The following SDK1 variants were observed in gnomAD, a reference collection of about 807,000 sequenced individuals.
The protein encoded by SDK1 is sidekick cell adhesion molecule 1.
Under a neutral mutation model 245.5 loss-of-function variants are expected in SDK1, and 157 were observed. The ratio of observed to expected loss-of-function variants is 0.64; its 90% CI spans 0.56 to 0.73. The LOEUF is 0.73. Among genes scored for constraint, SDK1 ranks in the 30% least tolerant of loss-of-function variants. The pLI is 0.00. For synonymous variants in SDK1, 1,647 were observed against 1,278.5 expected (o/e 1.29, Z -6.15); for missense variants, 3,583 against 3,002.3 (o/e 1.19, Z -4.52).
intron 1 of SDK1, among the ~76,000 whole-genome samples, chr7:3,434,088 A>G (rs1779947665): frequency 6.6e-6 from 1 of 152,106 alleles, no homozygotes. Flanking sequence ...ACAAGGCAAA[A>G]TCTATCCATA....
At chr7:4,066,667 C>G (rs1373462152) in intron 19 of SDK1, among the ~76,000 whole-genome samples, 5 of 152,210 alleles carry the variant, frequency 3.3e-5, no homozygotes, top group Admixed American at 3.3e-4. Context: ...TGGGCTGGCC[C>G]TGATGGGACC....
intron 4 of SDK1, among the ~76,000 whole-genome samples, chr7:3,806,273 G>T (rs550180994): frequency 5.6e-5 from 8 of 143,148 alleles, no homozygotes; most frequent in Non-Finnish European, 1.3e-4. Context: ...GTGAGGTAAC[G>T]TATCTCTAGG....
chr7:3,497,276 CTG>C (rs968726800), intron 1 of SDK1, among the ~76,000 whole-genome samples: 2 of 152,142 alleles, frequency 1.3e-5, no homozygotes, highest in Non-Finnish European at 2.9e-5. Context: ...AGGGCTAAAA[CTG>C]TGAAATAAAA....
chr7:4,188,566 C>T (rs938610324), intron 35 of SDK1, among the ~76,000 whole-genome samples: 1 of 151,888 alleles, frequency 6.6e-6, no homozygotes, highest in Non-Finnish European at 1.5e-5. Context: ...GTTGTGTGCT[C>T]AAACCTCCAT....
At chr7:3,633,874 C>G (rs541004942) in intron 2 of SDK1, among the ~76,000 whole-genome samples, 4 of 152,060 alleles carry the variant, frequency 2.6e-5, no homozygotes, top group Non-Finnish European at 4.4e-5. Flanking sequence ...AACTGGTCCT[C>G]TGAGGGTCCT....
chr7:3,843,525 C>T (rs542780635), intron 5 of SDK1, among the ~76,000 whole-genome samples: 8 of 152,310 alleles, frequency 5.3e-5, no homozygotes, highest in Admixed American at 1.3e-4. Flanking sequence ...GATATTCCTT[C>T]ATTAGTTTTA....
At chr7:3,510,055 G>T (rs1782528899) in intron 1 of SDK1, among the ~76,000 whole-genome samples, 1 of 152,198 alleles carries the variant, frequency 6.6e-6, no homozygotes, top group African/African-American at 2.4e-5. Context: ...CATTGACTTA[G>T]AACTGGGAGG....
intron 14 of SDK1, among the ~76,000 whole-genome samples, chr7:3,994,597 G>A (rs543556932): frequency 7.5e-5 from 11 of 146,864 alleles, no homozygotes; most frequent in East Asian, 2.0e-4. Context: ...AGCCGCGATC[G>A]CACCAAGGCA....
At chr7:3,395,547 G>T (rs950998433) in intron 1 of SDK1, among the ~76,000 whole-genome samples, 3 of 151,848 alleles carry the variant, frequency 2.0e-5, no homozygotes, top group Admixed American at 6.6e-5. Context: ...ATACTTCTCG[G>T]AAGAATTTGT....
chr7:3,900,727 C>T (rs1562522768), intron 5 of SDK1, among the ~76,000 whole-genome samples: 1 of 151,812 alleles, frequency 6.6e-6, no homozygotes, highest in South Asian at 2.1e-4. Context: ...CCCCTCTCTC[C>T]CCCTCTCCAT....
At chr7:3,421,865 G>A (rs1357551363) in intron 1 of SDK1, among the ~76,000 whole-genome samples, 1 of 152,120 alleles carries the variant, frequency 6.6e-6, no homozygotes. Context: ...TGGTTTTTGG[G>A]TGCTTGAGAC....
At chr7:3,848,534 A>G (rs914288744) in intron 5 of SDK1, among the ~76,000 whole-genome samples, 8 of 152,166 alleles carry the variant, frequency 5.3e-5, no homozygotes, top group African/African-American at 1.7e-4. Context: ...GAAGGTGGAT[A>G]TCTACTAATA....
At chr7:4,213,428 A>T (rs1784608440) in intron 38 of SDK1, among the ~76,000 whole-genome samples, 1 of 151,338 alleles carries the variant, frequency 6.6e-6, no homozygotes, top group Non-Finnish European at 1.5e-5. Context: ...AAAAAAAGAA[A>T]ACAAAAATTA....
intron 1 of SDK1, among the ~76,000 whole-genome samples, chr7:3,374,798 A>G (rs1476885971): frequency 6.6e-6 from 1 of 152,218 alleles, no homozygotes; most frequent in Non-Finnish European, 1.5e-5. Flanking sequence ...GAGACTTTTT[A>G]AAATTTTTCA....
chr7:3,922,369 GGGAGCTTGAAATCGGCTGTGCC>G (rs1431089446), intron 5 of SDK1, among the ~76,000 whole-genome samples: 2 of 152,182 alleles, frequency 1.3e-5, no homozygotes, highest in African/African-American at 2.4e-5. Flanking sequence ...ACGTCATATT[GGGAGCTTGAAATCGGCTGTGCC>G]GGATTTACTT....
intron 4 of SDK1, among the ~76,000 whole-genome samples, chr7:3,657,861 G>C (rs1448707550): frequency 1.3e-5 from 2 of 152,226 alleles, no homozygotes; most frequent in Non-Finnish European, 2.9e-5. Flanking sequence ...GAAAGAAAGT[G>C]GCTAAATGAT....
chr7:3,447,774 G>A (rs960472393), intron 1 of SDK1, among the ~76,000 whole-genome samples: 36 of 144,920 alleles, frequency 2.5e-4, no homozygotes, highest in African/African-American at 8.2e-4. Flanking sequence ...GCATGATCTC[G>A]GCTCACCGCA....
chr7:3,741,915 G>A (rs1779485145), intron 4 of SDK1, among the ~76,000 whole-genome samples: 1 of 150,230 alleles, frequency 6.7e-6, no homozygotes, highest in Non-Finnish European at 1.5e-5. Context: ...CAATATCCAG[G>A]TATCTTGACC....
At chr7:3,844,938 C>T (rs995676024) in intron 5 of SDK1, among the ~76,000 whole-genome samples, 8 of 152,182 alleles carry the variant, frequency 5.3e-5, no homozygotes, top group African/African-American at 1.9e-4. Context: ...CTTATGACAT[C>T]ATACTTTATT....
Sources: gnomAD v4.1 joint callset for allele counts (sites outside exome capture counted in the v4.1 genomes callset) on GRCh38, gnomAD v4.1.1 for gene constraint, MANE v1.5 for transcripts, NCBI Gene and HGNC (gene_info 2026-07-23, HGNC 2026-07-21) for gene names.